CHD2: variants seen among roughly 807,000 people sequenced by gnomAD.
CHD2 encodes the protein ATP-dependent chromatin remodeler CHD2.
Under a neutral mutation model 243.9 loss-of-function variants are expected in CHD2, and 28 were observed. The ratio of observed to expected loss-of-function variants is 0.11; its 90% CI spans 0.09 to 0.16. CHD2 has a LOEUF of 0.16. Ranked by LOEUF, CHD2 falls within the 10% of genes least tolerant of loss-of-function variation. CHD2 has a pLI of 1.00. For missense variants in CHD2, 1,386 were observed against 2,209.8 expected (o/e 0.63, Z 7.47); for synonymous variants, 775 against 779.0 (o/e 0.99, Z 0.09).
chr15:92,957,672 A>T (rs775911919), intron 16 of CHD2, among the ~76,000 whole-genome samples: 1 of 151,054 alleles, frequency 6.6e-6, no homozygotes, highest in Non-Finnish European at 1.5e-5. Context: ...TTAATTCAGG[A>T]TTAAATTTTA....
chr15:92,954,760 C>A (rs1380489373), intron 14 of CHD2, among the ~76,000 whole-genome samples: 6 of 152,154 alleles, frequency 3.9e-5, no homozygotes, highest in African/African-American at 1.4e-4. Flanking sequence ...CTTTTTACCC[C>A]CACTTGGGGG....
At chr15:92,986,333 AGT>A (rs1348519554) in intron 26 of CHD2, among the ~76,000 whole-genome samples, 1 of 152,122 alleles carries the variant, frequency 6.6e-6, no homozygotes, top group Non-Finnish European at 1.5e-5. Context: ...GAAAATAGAA[AGT>A]ATAAAGATGG....
At chr15:92,973,580 A>G (rs1392806944) in intron 19 of CHD2, among the ~76,000 whole-genome samples, 2 of 152,214 alleles carry the variant, frequency 1.3e-5, no homozygotes, top group Non-Finnish European at 2.9e-5. Flanking sequence ...AGGCATTGTT[A>G]TATCCATAAT....
intron 32 of CHD2, among the ~76,000 whole-genome samples, chr15:93,000,842 G>A (rs1259489117): frequency 1.3e-5 from 2 of 152,130 alleles, no homozygotes; most frequent in African/African-American, 4.8e-5. Context: ...GTAAATGAAG[G>A]GGACTATGAC....
intron 26 of CHD2, 189 bp from the exon 27 acceptor site, chr15:92,991,287 G>A: frequency 4.1e-6 from 2 of 489,544 alleles, no homozygotes; most frequent in Non-Finnish European, 7.2e-6. Flanking sequence ...ATTTTTAGCA[G>A]TCATTATTTT....
chr15:92,981,583 A>G lies in CHD2; in HGVS notation c.3066+126A>G, dbSNP rs568121580. 7.3e-5 allele frequency: 49 copies of G among 669,080 alleles called. 1 individual carries two copies. In the African/African-American group the frequency reaches 7.9e-4, roughly 11 times the overall value. The allele number at this position is 669,080 out of a possible 1,614,324, so 41.4% of individuals were successfully genotyped here. A position where few individuals can be genotyped will look rare whatever the true frequency, so the allele number is the denominator to read the frequency against. On this transcript the variant is annotated intron_variant, in intron 24 of 38. Transcript: ENST00000394196. ...TTACCTGAATTGAGTCATATCCTCA[A>G]TATTGTTCTCTGAATTGTGAGTATG...
chr15:92,953,439 C>G lies in CHD2; in HGVS notation c.1585C>G (p.Gln529Glu). Residue 529 changes from glutamine (Q) to glutamate (E), a missense_variant, in exon 14 of 39, where the codon CAA becomes GAA. Physicochemically the swap from Gln to Glu is conservative, Grantham distance 29. Coordinates refer to ENST00000394196, the MANE Select transcript of CHD2 (RefSeq NM_001271.4). ...ATCATTCCTCTCCTACCTGTTCCAC[C>G]AACACCAGCTGTATGGCCCCTTTCT... ...TISFLSYLFH[Q>E]HQLYGPFLIV... 1 of 1,614,106 alleles carries G rather than the reference C, an allele frequency of 6.2e-7. No individual in the cohort carries two copies. Among genetic ancestry groups the G allele is most frequent in the Non-Finnish European group, 8.5e-7 (1 of 1,180,006 alleles).
rs781207709 is a variant in CHD2 at position 92,984,524 on chromosome 15, T to C, written c.3237+24T>C. ...AGGTGATCAAGTGAGATGAAAGATA[T>C]GAAATTATTTCTTATGTTGTGAATG... On this transcript the variant is annotated intron_variant, in intron 25 of 38. Coordinates refer to ENST00000394196, the MANE Select transcript of CHD2 (RefSeq NM_001271.4). 6.9e-6 allele frequency: 11 copies of C among 1,587,004 alleles called. No individual in the cohort carries two copies. In the East Asian group the frequency reaches 2.3e-4, roughly 33 times the overall value.
intron 25 of CHD2, 39 bp from the exon 26 acceptor site, chr15:92,985,459 G>A (rs371327315): frequency 1.3e-5 from 20 of 1,562,318 alleles, no homozygotes; most frequent in East Asian, 6.8e-5. Flanking sequence ...CTTGAACTTC[G>A]CACTTGTTAC....
rs769453320 is a variant in CHD2 at position 92,942,917 on chromosome 15, G to A, written c.901G>A (p.Asp301Asn). Residue 301 changes from aspartate (D) to asparagine (N), a missense_variant, in exon 9 of 39, where the codon GAT becomes AAT. By Grantham distance (23) the Asp-to-Asn change is conservative. Around this residue, in one of 19 missense-constraint regions of CHD2, gnomAD observed 200 missense variants for 292.5 expected, o/e 0.68. Transcript: ENST00000394196. ...TAGTGGTGACTTTGACACTGAAAAGGATGAAGGTGAAATCCAGTACCTCAT... is the reference window on the plus strand; with the variant it reads ...TAGTGGTGACTTTGACACTGAAAAGAATGAAGGTGAAATCCAGTACCTCAT... ...DPSGDFDTEK[D>N]EGEIQYLIKW... is the part of the protein sequence containing the mutation. The A allele has an allele frequency of 1.2e-6, 2 of 1,614,058 alleles. No homozygotes were observed. The highest frequency in any genetic ancestry group is 2.2e-5 in the South Asian group (2 of 91,078).
intron 20 of CHD2, 51 bp downstream of exon 20, chr15:92,975,001 G>A (rs1395447005): frequency 2.3e-5 from 33 of 1,443,672 alleles, no homozygotes; most frequent in Non-Finnish European, 3.1e-5. Context: ...CTGCATCAAG[G>A]GGAAAGTCTC....
chr15:92,938,317 T>A (rs1339482059), intron 6 of CHD2, among the ~76,000 whole-genome samples: 1 of 152,250 alleles, frequency 6.6e-6, no homozygotes, highest in Non-Finnish European at 1.5e-5. Context: ...ACAATTCTGT[T>A]CTCATTAGTA....
At chr15:92,953,826 TTTC>T (rs2141812141) in intron 14 of CHD2, 1 of 445,064 alleles carries the variant, frequency 2.2e-6, no homozygotes, top group Non-Finnish European at 4.0e-6. Context: ...ATATTAAATT[TTTC>T]TTCTCTCTGC....
At chr15:92,970,375 A>G (rs1329901451) in intron 17 of CHD2, among the ~76,000 whole-genome samples, 2 of 151,908 alleles carry the variant, frequency 1.3e-5, no homozygotes, top group East Asian at 1.9e-4. Flanking sequence ...CTAATTTTGT[A>G]GTTTTAGTAG....
intron 38 of CHD2, chr15:93,021,304 CCTTTTAAAAAAAATCA>C (rs2054532504): frequency 6.6e-6 from 1 of 151,764 alleles, no homozygotes; most frequent in African/African-American, 2.4e-5. Context: ...ACATAATGTT[CCTTTTAAAAAAAATCA>C]CTGATTATGA....
At chr15:93,000,414 A>G in intron 31 of CHD2, 98 bp from the exon 32 acceptor site, 1 of 1,215,450 alleles carries the variant, frequency 8.2e-7, no homozygotes, top group Non-Finnish European at 1.1e-6. Flanking sequence ...TGTTTGAATT[A>G]TATGGCTGCT....
chr15:92,989,716 C>T (rs1019349502), intron 26 of CHD2, among the ~76,000 whole-genome samples: 3 of 152,304 alleles, frequency 2.0e-5, no homozygotes, highest in East Asian at 1.9e-4. Context: ...TCAGTTCCTG[C>T]TTGCACAGTT....
chr15:92,975,003 G>C, intron 20 of CHD2, 53 bp downstream of exon 20: 1 of 1,432,158 alleles, frequency 7.0e-7, no homozygotes, highest in South Asian at 1.2e-5. Context: ...GCATCAAGGG[G>C]AAAGTCTCTC....
rs533847087 is a variant in CHD2 at position 92,912,764 on chromosome 15, GACCTCGTGATCCGCCA to G, written c.62+11470_62+11485del. ...TTGGCCAGGCTGGTCTCAAACTCCTGACCTCGTGATCCGCCAACCTTGTGATCCGCCCGCCTCGGCC... is the reference window on the plus strand; with the variant it reads ...TTGGCCAGGCTGGTCTCAAACTCCTGACCTTGTGATCCGCCCGCCTCGGCC... On this transcript the variant is annotated intron_variant, in intron 2 of 38. Transcript: ENST00000394196. Among the ~76,000 whole-genome samples the G allele has an allele frequency of 1.7e-3, 256 of 152,092 alleles. 7 individuals are homozygous for G. In the South Asian group the frequency reaches 0.044, roughly 26 times the overall value.
Sources: gnomAD v4.1 joint callset for allele counts (sites outside exome capture counted in the v4.1 genomes callset) on GRCh38, gnomAD v4.1.1 for gene constraint, gnomAD v4.1.1 regional missense constraint, MANE v1.5 for transcripts, NCBI Gene and HGNC (gene_info 2026-07-23, HGNC 2026-07-21) for gene names.